The following RAPGEF4 variants were observed in gnomAD, a reference collection of about 807,000 sequenced individuals.
RAPGEF4 encodes Rap guanine nucleotide exchange factor 4, also known as RAP guanine-nucleotide-exchange factor (GEF) 4.
RAPGEF4 carries 66 observed loss-of-function variants against 147.9 expected under a neutral mutation model. That is an observed-to-expected ratio of 0.45 (90% CI 0.37 to 0.55). The LOEUF is 0.55. RAPGEF4 is among the 20% of genes least tolerant of loss of function. The probability of loss-of-function intolerance (pLI) is 0.00; values close to 1 mark genes in which losing one functional copy is unlikely to be tolerated. For missense variants in RAPGEF4, 1,071 were observed against 1,257.3 expected, an observed-to-expected ratio of 0.85 and a Z score of 2.24; for synonymous variants, 419 against 442.7, an observed-to-expected ratio of 0.95 and a Z score of 0.67.
intron 4 of RAPGEF4, among the ~76,000 whole-genome samples, chr2:172,836,895 A>G (rs1488717283): frequency 6.6e-6 from 1 of 152,228 alleles, no homozygotes; most frequent in East Asian, 1.9e-4. Flanking sequence ...CTGGCAATTG[A>G]GAAACATTGT....
rs755547257 is a variant in RAPGEF4 at position 172,862,402 on chromosome 2, C to T, written c.444+47977C>T. On this transcript the variant is annotated intron_variant, in intron 4 of 30. Transcript: ENST00000397081. ...CAATTAGTGGCAAGCTGAGCAGAGA[C>T]AGCAGCAAGGGCTCACCTTCCATTC... Among the ~76,000 whole-genome samples, 121 of 152,172 alleles carry T rather than the reference C, an allele frequency of 8.0e-4. 1 individual carries two copies. The highest frequency in any genetic ancestry group is 5.7e-4 in the Non-Finnish European group (39 of 68,022).
intron 4 of RAPGEF4, among the ~76,000 whole-genome samples, chr2:172,860,576 T>C (rs1693924567): frequency 6.6e-6 from 1 of 151,766 alleles, no homozygotes; most frequent in Non-Finnish European, 1.5e-5. Context: ...GGTTTTTTTT[T>C]TTTTTTTGGT....
chr2:172,944,680 G>T (rs1236439085), intron 6 of RAPGEF4, among the ~76,000 whole-genome samples: 1 of 152,190 alleles, frequency 6.6e-6, no homozygotes, highest in African/African-American at 2.4e-5. Flanking sequence ...AGGGGCTGTT[G>T]TAGCTGTGTC....
chr2:172,933,282 A>G (rs1301389758), intron 6 of RAPGEF4, among the ~76,000 whole-genome samples: 2 of 152,040 alleles, frequency 1.3e-5, no homozygotes, highest in African/African-American at 4.8e-5. Flanking sequence ...TTCTAGATGG[A>G]TTTTGGAAAT....
intron 4 of RAPGEF4, among the ~76,000 whole-genome samples, chr2:172,868,983 CTT>C (rs935990152): frequency 1.3e-5 from 2 of 152,214 alleles, no homozygotes; most frequent in Non-Finnish European, 2.9e-5. Context: ...ATCCTCCCGC[CTT>C]GGCCTCCCAA....
In RAPGEF4 at chr2:172,766,203, G is replaced by C. The variant is rs1696819544; in HGVS notation, c.66-28822G>C. On this transcript the variant is annotated intron_variant, in intron 1 of 30. Coordinates refer to ENST00000397081, the MANE Select transcript of RAPGEF4 (RefSeq NM_007023.4). Reference sequence around the variant, plus strand: ...TTTATCAAACAGCTTTATTGAGGTAGACCATGATACAATAAAGTACACATA... The same window carrying C: ...TTTATCAAACAGCTTTATTGAGGTACACCATGATACAATAAAGTACACATA... 1.3e-5 allele frequency among the ~76,000 whole-genome samples: 2 copies of C among 151,960 alleles called. 1 individual carries two copies. Among genetic ancestry groups the C allele is most frequent in the East Asian group, 3.9e-4 (2 of 5,192 alleles).
chr2:172,810,332 G>A (rs1376961506), intron 3 of RAPGEF4, among the ~76,000 whole-genome samples: 2 of 152,198 alleles, frequency 1.3e-5, no homozygotes, highest in East Asian at 1.9e-4. Flanking sequence ...CAGGCACTAT[G>A]CAAAGCAGTT....
chr2:172,953,666 C>T (rs1480779091), intron 6 of RAPGEF4, among the ~76,000 whole-genome samples: 1 of 152,064 alleles, frequency 6.6e-6, no homozygotes, highest in African/African-American at 2.4e-5. Flanking sequence ...AATGTTATTT[C>T]AGCTATTAAA....
chr2:172,773,645 C>A (rs1056461172), intron 1 of RAPGEF4, among the ~76,000 whole-genome samples: 1 of 138,328 alleles, frequency 7.2e-6, no homozygotes, highest in Non-Finnish European at 1.5e-5. Context: ...CCCCACACTG[C>A]CCCCCCCGCG....
intron 4 of RAPGEF4, among the ~76,000 whole-genome samples, chr2:172,896,467 G>T (rs991089460): frequency 1.3e-5 from 2 of 151,974 alleles, no homozygotes; most frequent in African/African-American, 4.8e-5. Flanking sequence ...GCTATTTAAA[G>T]CTATTTATAT....
chr2:173,046,927 A>AT (rs568666930), intron 29 of RAPGEF4, among the ~76,000 whole-genome samples: 134 of 151,640 alleles, frequency 8.8e-4, no homozygotes, highest in Middle Eastern at 6.8e-3. Context: ...CTCATCTATG[A>AT]TTTTTTTTTA....
intron 10 of RAPGEF4, among the ~76,000 whole-genome samples, chr2:172,979,023 A>G (rs975642175): frequency 6.6e-6 from 1 of 152,232 alleles, no homozygotes; most frequent in Non-Finnish European, 1.5e-5. Flanking sequence ...CTGGTCTAAG[A>G]TGGGAATTTA....
intron 17 of RAPGEF4, among the ~76,000 whole-genome samples, chr2:173,008,074 C>CG (rs1318343109): frequency 1.3e-5 from 2 of 151,788 alleles, no homozygotes; most frequent in African/African-American, 4.8e-5. Context: ...GTGTGGCCCC[C>CG]CCATGCTGTT....
intron 29 of RAPGEF4, among the ~76,000 whole-genome samples, chr2:173,043,574 A>C (rs1488104307): frequency 6.6e-6 from 1 of 152,226 alleles, no homozygotes; most frequent in Non-Finnish European, 1.5e-5. Flanking sequence ...GGGAACTTGG[A>C]CTAGGGCACA....
rs187116802 is a variant in RAPGEF4 at position 172,997,665 on chromosome 2, C to T, written c.1579+1111C>T. 4.0e-3 allele frequency among the ~76,000 whole-genome samples: 613 copies of T among 152,120 alleles called. 3 individuals are homozygous for T. Among genetic ancestry groups the T allele is most frequent in the Non-Finnish European group, 6.4e-3 (437 of 67,998 alleles). On this transcript the variant is annotated intron_variant, in intron 16 of 30. Coordinates refer to ENST00000397081, the MANE Select transcript of RAPGEF4 (RefSeq NM_007023.4). ...AACGTGTTTTTTTTTTAATCCTATG[C>T]TACTGCCTGTCTCTCAGAATAATGT...
chr2:172,792,527 C>G (rs1685925261), intron 1 of RAPGEF4, among the ~76,000 whole-genome samples: 1 of 152,142 alleles, frequency 6.6e-6, no homozygotes, highest in Admixed American at 6.5e-5. Context: ...GAATCCAAAC[C>G]CTTCTAGTAG....
At chr2:173,008,602 A>G (rs1231026127) in intron 17 of RAPGEF4, among the ~76,000 whole-genome samples, 3 of 152,238 alleles carry the variant, frequency 2.0e-5, no homozygotes, top group African/African-American at 4.8e-5. Context: ...TAAGTGTTTT[A>G]TAAATAGCTG....
intron 3 of RAPGEF4, among the ~76,000 whole-genome samples, chr2:172,808,759 G>A (rs922477363): frequency 3.3e-5 from 5 of 152,168 alleles, no homozygotes; most frequent in African/African-American, 1.2e-4. Context: ...TTTGCCCAAA[G>A]CCCACAGGTC....
chr2:172,775,236 C>G (rs1477253650), intron 1 of RAPGEF4, among the ~76,000 whole-genome samples: 1 of 152,266 alleles, frequency 6.6e-6, no homozygotes, highest in East Asian at 1.9e-4. Flanking sequence ...TTGGGAGCCC[C>G]GTCTCTAGGT....
Sources: allele counts gnomAD v4.1 joint callset (sites outside exome capture counted in the v4.1 genomes callset), GRCh38; gene constraint gnomAD v4.1.1; transcripts MANE v1.5; gene names NCBI Gene and HGNC (gene_info 2026-07-23, HGNC 2026-07-21).